The following NTM variants were observed in gnomAD, a reference collection of about 807,000 sequenced individuals.
The protein encoded by NTM is IgLON family member 2.
In NTM, 13 loss-of-function variants were observed where a neutral mutation model predicts 42.1. The observed-to-expected ratio is 0.31, with a 90% confidence interval of 0.20 to 0.49. The LOEUF (loss-of-function observed/expected upper bound fraction) is 0.49, where lower values mean the gene tolerates loss of function less well. NTM is among the 20% of genes least tolerant of loss of function. The pLI is 0.99. For synonymous variants in NTM, 187 were observed against 179.2 expected (o/e 1.04, Z -0.35); for missense variants, 373 against 452.8 (o/e 0.82, Z 1.60).
At position 131,373,103 on chromosome 11, in the gene NTM, C is replaced by A. The variant is rs111727270; in HGVS notation, c.82+2215C>A. ...GTTGCCCAATTTTAACGCAGAACGA[C>A]CCCCAAAGACCCGCATATTGCATGC... is the stretch of plus-strand genomic sequence containing the variant. On this transcript the variant is annotated intron_variant, in intron 1 of 8. Transcript: ENST00000683400. Among the ~76,000 whole-genome samples, 1,492 of 152,252 alleles carry A rather than the reference C, an allele frequency of 9.8e-3. 31 individuals carry two copies. The highest frequency in any genetic ancestry group is 0.033 in the African/African-American group (1,368 of 41,528).
chr11:131,476,108 T>A (rs112478887), intron 1 of NTM, among the ~76,000 whole-genome samples: 38 of 152,304 alleles, frequency 2.5e-4, no homozygotes, highest in African/African-American at 8.9e-4. Context: ...TGTGTATTCT[T>A]CTTAGTCTGT....
chr11:132,307,872 GTTGTCACAGCCACCACCCAGAGCCCA>G (rs1565441075), intron 5 of NTM, 49 bp downstream of exon 5: 1 of 1,584,914 alleles, frequency 6.3e-7, no homozygotes, highest in Non-Finnish European at 8.6e-7. Flanking sequence ...AGGCTGGCCT[GTTGTCACAGCCACCACCCAGAGCCCA>G]TTGGCACAGC....
intron 4 of NTM, chr11:132,284,491 G>A (rs2094142315): frequency 6.5e-6 from 1 of 153,800 alleles, no homozygotes; most frequent in African/African-American, 2.4e-5. Context: ...ACCTACTTAG[G>A]GACCCTGCTT....
chr11:132,272,068 A>G (rs1218802930), intron 4 of NTM, among the ~76,000 whole-genome samples: 3 of 152,128 alleles, frequency 2.0e-5, no homozygotes, highest in Non-Finnish European at 4.4e-5. Context: ...GTAGTAAGAT[A>G]CAACTTTATT....
At chr11:132,000,127 C>T (rs2068902536) in intron 2 of NTM, among the ~76,000 whole-genome samples, 1 of 152,198 alleles carries the variant, frequency 6.6e-6, no homozygotes, top group Non-Finnish European at 1.5e-5. Flanking sequence ...GAGCAGCCCT[C>T]AGCCCACCTG....
chr11:132,098,712 C>T lies in NTM; in HGVS notation c.168-47570C>T, dbSNP rs553108996. Among the ~76,000 whole-genome samples, 7 of 152,334 alleles carry T rather than the reference C, an allele frequency of 4.6e-5. No homozygotes were observed. In the South Asian group the frequency reaches 6.2e-4, roughly 14 times the overall value. Reference sequence around the variant, plus strand: ...CAAATATAGCCCCACAAGTACAAGGCGTGGTGAACTTGTAGCATCTCTATG... The same window carrying T: ...CAAATATAGCCCCACAAGTACAAGGTGTGGTGAACTTGTAGCATCTCTATG... On this transcript the variant is annotated intron_variant, in intron 2 of 8. Transcript: ENST00000683400.
In NTM at chr11:131,663,993, C is replaced by A. The variant is rs964081252; in HGVS notation, c.83-247571C>A. Among the ~76,000 whole-genome samples the A allele has an allele frequency of 3.9e-5, 6 of 152,316 alleles. No individual in the cohort carries two copies. In the East Asian group the frequency reaches 9.7e-4, roughly 25 times the overall value. On this transcript the variant is annotated intron_variant, in intron 1 of 8. Transcript: ENST00000683400. Reference sequence around the variant, plus strand: ...ACTTAACTGCTTTGGGATGAAAATTCTATCCCAAAAGAGCAGAAGGTGACA... The same window carrying A: ...ACTTAACTGCTTTGGGATGAAAATTATATCCCAAAAGAGCAGAAGGTGACA...
intron 1 of NTM, among the ~76,000 whole-genome samples, chr11:131,657,260 C>A (rs544687755): frequency 5.6e-4 from 85 of 152,178 alleles, no homozygotes; most frequent in Non-Finnish European, 9.4e-4. Context: ...GGTTCTGAGC[C>A]CTTTGGAGAG....
intron 7 of NTM, among the ~76,000 whole-genome samples, chr11:132,322,982 G>A (rs1439684470): frequency 7.2e-6 from 1 of 138,454 alleles, no homozygotes; most frequent in Non-Finnish European, 1.6e-5. Flanking sequence ...TGAAACCAAT[G>A]AGAACAAAGA....
chr11:132,083,802 T>C (rs2059373693), intron 2 of NTM, among the ~76,000 whole-genome samples: 1 of 152,166 alleles, frequency 6.6e-6, no homozygotes, highest in Non-Finnish European at 1.5e-5. Context: ...CAAATAACCA[T>C]ATTGCCATAA....
intron 2 of NTM, among the ~76,000 whole-genome samples, chr11:131,971,175 G>T (rs917617367): frequency 2.6e-5 from 4 of 152,120 alleles, no homozygotes; most frequent in Admixed American, 1.3e-4. Flanking sequence ...GTGTACACTC[G>T]CCAGTAGAGT....
chr11:131,822,473 C>T (rs2093231030), intron 1 of NTM, among the ~76,000 whole-genome samples: 1 of 152,168 alleles, frequency 6.6e-6, no homozygotes, highest in Admixed American at 6.5e-5. Flanking sequence ...AAATTACCCA[C>T]CTGTCAAATA....
chr11:131,600,602 G>A lies in NTM; in HGVS notation c.82+229714G>A, dbSNP rs148072859. Among the ~76,000 whole-genome samples, 307 of 152,230 alleles carry A rather than the reference G, an allele frequency of 2.0e-3. 3 individuals carry two copies. The highest frequency in any genetic ancestry group is 6.8e-3 in the South Asian group (33 of 4,826). The stretch of plus-strand genomic sequence containing the variant: ...GCCATGCTATTGCTTTGCATTTACC[G>A]TTCCTCTGCCAAAGAAATTTTAAAA... On this transcript the variant is annotated intron_variant, in intron 1 of 8. Transcript: ENST00000683400.
intron 3 of NTM, among the ~76,000 whole-genome samples, chr11:132,193,129 A>G (rs2079581010): frequency 6.6e-6 from 1 of 152,204 alleles, no homozygotes; most frequent in Admixed American, 6.5e-5. Flanking sequence ...ACTGACAAAC[A>G]TGACACTTGA....
At chr11:131,465,703 G>C (rs2136140768) in intron 1 of NTM, among the ~76,000 whole-genome samples, 1 of 152,326 alleles carries the variant, frequency 6.6e-6, no homozygotes, top group East Asian at 1.9e-4. Context: ...TCTTTTGTCA[G>C]AATTCCAAAT....
chr11:132,135,394 A>G (rs1271419359), intron 2 of NTM, among the ~76,000 whole-genome samples: 2 of 152,250 alleles, frequency 1.3e-5, no homozygotes, highest in Non-Finnish European at 2.9e-5. Context: ...TGTGAGATTT[A>G]CACATAAGAT....
intron 2 of NTM, among the ~76,000 whole-genome samples, chr11:132,101,562 G>A (rs1262611862): frequency 2.7e-5 from 4 of 150,890 alleles, no homozygotes; most frequent in African/African-American, 4.9e-5. Context: ...AACCTTGTGT[G>A]TGTGTGTGTG....
intron 2 of NTM, among the ~76,000 whole-genome samples, chr11:132,125,968 G>A (rs972116459): frequency 2.6e-5 from 4 of 151,786 alleles, no homozygotes; most frequent in Non-Finnish European, 5.9e-5. Flanking sequence ...CCCAGGCAAG[G>A]GGGATGAGTG....
At chr11:131,653,428 T>C (rs2066769926) in intron 1 of NTM, among the ~76,000 whole-genome samples, 1 of 152,198 alleles carries the variant, frequency 6.6e-6, no homozygotes, top group Admixed American at 6.5e-5. Context: ...GGAAGAAATC[T>C]CTGATGAATT....
Sources: allele counts gnomAD v4.1 joint callset (sites outside exome capture counted in the v4.1 genomes callset), GRCh38; gene constraint gnomAD v4.1.1; transcripts MANE v1.5; gene names NCBI Gene and HGNC (gene_info 2026-07-23, HGNC 2026-07-21).